The following USP34 variants were observed in gnomAD, a reference collection of about 807,000 sequenced individuals.
USP34 encodes ubiquitin specific peptidase 34.
Under a neutral mutation model 460.3 loss-of-function variants are expected in USP34, and 70 were observed. The observed-to-expected ratio is 0.15, with a 90% CI of 0.13 to 0.19. The LOEUF (loss-of-function observed/expected upper bound fraction) is 0.19, where lower values mean the gene tolerates loss of function less well. Among genes scored for constraint, USP34 ranks in the 10% least tolerant of loss-of-function variants. USP34 has a pLI of 1.00. For missense variants in USP34, 3,985 were observed against 4,236.2 expected (o/e 0.94, Z 1.65); for synonymous variants, 1,647 against 1,405.3 (o/e 1.17, Z -3.85).
chr2:61,325,834 T>C (rs1691070027), intron 20 of USP34, among the ~76,000 whole-genome samples: 1 of 152,242 alleles, frequency 6.6e-6, no homozygotes, highest in African/African-American at 2.4e-5. Context: ...TCATAGTCCC[T>C]TTAGTGATAA....
chr2:61,336,497 A>G (rs1413131590), intron 18 of USP34, among the ~76,000 whole-genome samples: 2 of 151,724 alleles, frequency 1.3e-5, no homozygotes, highest in Non-Finnish European at 2.9e-5. Flanking sequence ...TGAGTAACAA[A>G]TAGGCACAAA....
Position 61,240,659 on chromosome 2 carries a change from C to T in USP34, c.6777+901G>A, listed in dbSNP as rs529707093. 6.5e-4 allele frequency among the ~76,000 whole-genome samples: 98 copies of T among 150,478 alleles called. 1 individual carries two copies. The highest frequency in any genetic ancestry group is 2.0e-3 in the African/African-American group (83 of 40,852). On this transcript the variant is annotated intron_variant, in intron 53 of 79. Coordinates refer to ENST00000398571, the MANE Select transcript of USP34 (RefSeq NM_014709.4). ...TGTGATCTCGGTTCACTATAACCTC[C>T]GCCTCTCAGGTTCAAGGGCTTCTCT... is the stretch of plus-strand genomic sequence containing the variant.
intron 6 of USP34, among the ~76,000 whole-genome samples, chr2:61,381,329 G>A (rs2103865087): frequency 6.6e-6 from 1 of 151,658 alleles, no homozygotes; most frequent in South Asian, 2.1e-4. Context: ...ATGATAAATG[G>A]CTGTTGTTTC....
Position 61,206,141 on chromosome 2 carries a change from A to T in USP34, c.9047-17T>A. On this transcript the variant is annotated splice_polypyrimidine_tract_variant and intron_variant, in intron 71 of 79. Coordinates refer to ENST00000398571, the MANE Select transcript of USP34 (RefSeq NM_014709.4). ...GTTTCACATCTGCAAATATAAAAGC[A>T]CATATAAATATGCCATCTGAGATCA... 1.3e-6 allele frequency: 2 copies of T among 1,599,712 alleles called. No homozygotes were observed. The highest frequency in any genetic ancestry group is 1.7e-6 in the Non-Finnish European group (2 of 1,167,300).
rs1689771000 is a variant in USP34, at chr2:61,288,993, T to C, written c.4549-116A>G. The C allele has an allele frequency of 1.5e-5, 16 of 1,032,516 alleles. 1 individual carries two copies. The highest frequency in any genetic ancestry group is 1.3e-4 in the South Asian group (8 of 60,680). The allele number at this position is 1,032,516 out of a possible 1,614,324, so 64.0% of individuals were successfully genotyped here. A position where few individuals can be genotyped will look rare whatever the true frequency, so the allele number is the denominator to read the frequency against. On this transcript the variant is annotated intron_variant, in intron 33 of 79. Transcript: ENST00000398571. The stretch of plus-strand genomic sequence containing the variant: ...AATAATTATAGCTAGTACTTAATCA[T>C]GTACTATAAAAATTCTGCTGCTCAA...
rs1349938305 is a variant in USP34, at chr2:61,301,098, T to C, written c.3981A>G (p.Pro1327=). Residue 1327 remains proline, a synonymous_variant, in exon 29 of 80, where the codon CCA becomes CCG. Coordinates refer to ENST00000398571, the MANE Select transcript of USP34 (RefSeq NM_014709.4). Reference sequence around the variant, plus strand: ...TCTGAGGGGGTGGGAGGCAAGATGCTGGCAGCTGAACACCTTCCCCTTTCC... The same window carrying C: ...TCTGAGGGGGTGGGAGGCAAGATGCCGGCAGCTGAACACCTTCCCCTTTCC... ...RERKGEGVQL[P]ASCLPPPQKD... The C allele has an allele frequency of 6.2e-7, 1 of 1,613,994 alleles. No homozygotes were observed. The highest frequency in any genetic ancestry group is 1.3e-5 in the African/African-American group (1 of 74,920).
intron 3 of USP34, among the ~76,000 whole-genome samples, chr2:61,397,338 G>T (rs1054277013): frequency 6.6e-6 from 1 of 151,910 alleles, no homozygotes; most frequent in African/African-American, 2.4e-5. Flanking sequence ...AGCTACTTGG[G>T]AGGCTGATGC....
chr2:61,286,294 G>A (rs762843485), intron 34 of USP34, among the ~76,000 whole-genome samples: 2 of 151,952 alleles, frequency 1.3e-5, no homozygotes, highest in South Asian at 2.1e-4. Flanking sequence ...TACATACTAA[G>A]CTGGAATTAT....
At chr2:61,316,239 G>A (rs1373577267) in intron 23 of USP34, among the ~76,000 whole-genome samples, 1 of 151,846 alleles carries the variant, frequency 6.6e-6, no homozygotes, top group Non-Finnish European at 1.5e-5. Context: ...AACCTATTCA[G>A]ACAAGAAAAG....
At chr2:61,229,449 C>T in intron 59 of USP34, 99 bp downstream of exon 59, 2 of 813,390 alleles carry the variant, frequency 2.5e-6, no homozygotes, top group Non-Finnish European at 1.8e-6. Context: ...TGAAGAAACC[C>T]TATCTCTTAA....
chr2:61,321,699 A>G (rs1003036394), intron 21 of USP34, among the ~76,000 whole-genome samples: 2 of 152,182 alleles, frequency 1.3e-5, no homozygotes, highest in African/African-American at 4.8e-5. Context: ...CCATATGTAA[A>G]TCACCTAAAA....
chr2:61,360,235 A>G (rs955539677), intron 10 of USP34, among the ~76,000 whole-genome samples: 57 of 152,310 alleles, frequency 3.7e-4, no homozygotes, highest in African/African-American at 1.4e-3. Flanking sequence ...AGGACTCCAA[A>G]TAGAAAACAG....
intron 22 of USP34, among the ~76,000 whole-genome samples, chr2:61,318,271 A>G (rs896446485): frequency 6.6e-6 from 1 of 152,178 alleles, no homozygotes; most frequent in African/African-American, 2.4e-5. Flanking sequence ...TGTCTGATAC[A>G]GGCTTCAATT....
At chr2:61,454,861 TTTTTTTTTC>T (rs1387574193) in intron 1 of USP34, among the ~76,000 whole-genome samples, 21 of 72,456 alleles carry the variant, frequency 2.9e-4, no homozygotes, top group Non-Finnish European at 3.9e-4. Flanking sequence ...ATAGTGGGGT[TTTTTTTTTC>T]TTTTTTTTTT....
At chr2:61,383,066 A>G (rs942209247) in intron 6 of USP34, among the ~76,000 whole-genome samples, 2 of 152,232 alleles carry the variant, frequency 1.3e-5, no homozygotes, top group African/African-American at 2.4e-5. Flanking sequence ...ATGTAAAAAA[A>G]AGTCCAACAT....
At position 61,246,473 on chromosome 2, in the gene USP34, A is replaced by C; in HGVS notation, c.6399T>G (p.Phe2133Leu). ...LMGKSERKEGFKEVSDHSKDS... is the reference protein window; with the variant it reads ...LMGKSERKEGLKEVSDHSKDS... ...CTTTTGAATGATCACTGACTTCTTT[A>C]AAACCTGAAATGATTTACACAGAAT... is the stretch of plus-strand genomic sequence containing the variant. Residue 2133 changes from phenylalanine to leucine, a missense_variant, in exon 50 of 80, where the codon TTT (phenylalanine) becomes TTG (leucine). Transcript: ENST00000398571. The C allele has an allele frequency of 3.2e-6, 5 of 1,550,772 alleles. No homozygotes were observed.
At chr2:61,316,226 A>T (rs1012352455) in intron 23 of USP34, among the ~76,000 whole-genome samples, 6 of 151,872 alleles carry the variant, frequency 4.0e-5, no homozygotes, top group African/African-American at 1.5e-4. Flanking sequence ...AAAAAACTGA[A>T]AAAACCTATT....
At chr2:61,422,946 G>A (rs1047200862) in intron 1 of USP34, among the ~76,000 whole-genome samples, 16 of 152,100 alleles carry the variant, frequency 1.1e-4, no homozygotes, top group Non-Finnish European at 1.5e-5. Context: ...GCTGAAGTGA[G>A]CCGAAAAAAA....
At chr2:61,388,057 G>A (rs1343746744) in intron 5 of USP34, among the ~76,000 whole-genome samples, 1 of 151,980 alleles carries the variant, frequency 6.6e-6, no homozygotes, top group African/African-American at 2.4e-5. Context: ...CTTGAGCTCA[G>A]GAGTTTGAGA....
Sources: gnomAD v4.1 joint callset for allele counts (sites outside exome capture counted in the v4.1 genomes callset) on GRCh38, gnomAD v4.1.1 for gene constraint, MANE v1.5 for transcripts, NCBI Gene and HGNC (gene_info 2026-07-23, HGNC 2026-07-21) for gene names.